The following PPTC7 variants were observed in gnomAD, a reference collection of about 807,000 sequenced individuals.
The protein encoded by PPTC7 is protein phosphatase PTC7 homolog.
In PPTC7, 6 loss-of-function variants were observed where a neutral mutation model predicts 30.8. The ratio of observed to expected loss-of-function variants is 0.19; its 90% CI spans 0.11 to 0.38. PPTC7 has a LOEUF of 0.38. PPTC7 is among the 10% of genes least tolerant of loss of function. The pLI, the probability that PPTC7 is intolerant of heterozygous loss-of-function variation, is 1.00. For missense variants in PPTC7, 218 were observed against 404.8 expected, an observed-to-expected ratio of 0.54 and a Z score of 3.96; for synonymous variants, 163 against 168.1, an observed-to-expected ratio of 0.97 and a Z score of 0.23.
intron 4 of PPTC7, among the ~76,000 whole-genome samples, chr12:110,538,581 A>AT (rs1368128248): frequency 6.6e-6 from 1 of 152,234 alleles, no homozygotes; most frequent in Non-Finnish European, 1.5e-5. Flanking sequence ...CCTTTGAAGG[A>AT]TACCTCAAAA....
rs369743422 is a variant in PPTC7 at position 110,537,012 on chromosome 12, G to T, written c.*25C>A. On this transcript the variant is annotated 3_prime_UTR_variant, in exon 6 of 6. Coordinates refer to ENST00000354300, the MANE Select transcript of PPTC7 (RefSeq NM_139283.2). ...GCAGGGGAAATTTGGGATGATGAAA[G>T]GAAAGGCAGGACTTGACACCTCAGC... is the stretch of plus-strand genomic sequence containing the variant. The T allele has an allele frequency of 6.3e-7, 1 of 1,589,258 alleles. No homozygotes were observed. The highest frequency in any genetic ancestry group is 8.6e-7 in the Non-Finnish European group (1 of 1,162,982).
Position 110,539,831 on chromosome 12 carries a change from T to C in PPTC7, c.717A>G (p.Lys239=). ...CCTTTGAGTTAATTACCTTTAACTT[T>C]TTTAGCTCCTGAAGAATCATATAAT... ...MPDYMILQEL[K]KLKNSNYESI... is the part of the protein sequence containing the mutation. The change falls in exon 4 of 6, where the codon AAA becomes AAG. Residue 239 remains lysine, a synonymous_variant. Transcript: ENST00000354300. 1.2e-6 allele frequency: 2 copies of C among 1,613,950 alleles called. No homozygotes were observed. The highest frequency in any genetic ancestry group is 1.7e-6 in the Non-Finnish European group (2 of 1,179,892).
At position 110,535,620 on chromosome 12, in the gene PPTC7, T is replaced by C. The variant is rs957130289; in HGVS notation, c.*1417A>G. On this transcript the variant is annotated 3_prime_UTR_variant, in exon 6 of 6. Coordinates refer to ENST00000354300, the MANE Select transcript of PPTC7 (RefSeq NM_139283.2). ...TCAAGTAGATTCTCATCAGGTTTAA[T>C]TGCATTCTCATCTATACACCAATGT... The C allele has an allele frequency of 2.6e-5, 4 of 152,590 alleles. No individual in the cohort carries two copies. Among genetic ancestry groups the C allele is most frequent in the Non-Finnish European group, 4.4e-5 (3 of 68,036 alleles). 9.5% of individuals were successfully genotyped at this position (152,590 alleles called of 1,614,324 possible).
intron 1 of PPTC7, 51 bp from the exon 2 acceptor site, chr12:110,552,019 AGGAATTCTTACCTCTGTTTTCTCC>A (rs1565920096): frequency 6.8e-7 from 1 of 1,476,708 alleles, no homozygotes; most frequent in Admixed American, 1.8e-5. Flanking sequence ...CCAACTTCTC[AGGAATTCTTACCTCTGTTTTCTCC>A]TAACAGTTAA....
At chr12:110,540,772 T>C (rs572243482) in intron 3 of PPTC7, among the ~76,000 whole-genome samples, 102 of 149,974 alleles carry the variant, frequency 6.8e-4, no homozygotes, top group Non-Finnish European at 1.3e-3. Flanking sequence ...GAGAACAACA[T>C]GCCAATCTTT....
rs1268867964 is a variant in PPTC7 at position 110,534,211 on chromosome 12, AAAT to A, written c.*2823_*2825del. On this transcript the variant is annotated 3_prime_UTR_variant, in exon 6 of 6. Transcript: ENST00000354300. ...TTAGAGTGCACATTTTAAAACAACA[AAAT>A]AAAAATTTCAAGCATGTGATAAAAA... 1 of 152,138 alleles carries A rather than the reference AAAT, an allele frequency of 6.6e-6. No homozygotes were observed. Among genetic ancestry groups the A allele is most frequent in the Admixed American group, 6.5e-5 (1 of 15,274 alleles). The allele number at this position is 152,138 out of a possible 1,614,324, so 9.4% of individuals were successfully genotyped here.
chr12:110,581,858 C>T (rs1049272122), intron 1 of PPTC7, among the ~76,000 whole-genome samples: 2 of 152,196 alleles, frequency 1.3e-5, no homozygotes, highest in Non-Finnish European at 2.9e-5. Context: ...ACATTTGAAC[C>T]CAAGTTCAAT....
At position 110,583,042 on chromosome 12, in the gene PPTC7, G is replaced by C. The variant is rs779351510; in HGVS notation, c.-11C>G. On this transcript the variant is annotated 5_prime_UTR_variant, in exon 1 of 6. Coordinates refer to ENST00000354300, the MANE Select transcript of PPTC7 (RefSeq NM_139283.2). ...GAGGACCGAGAACATCGCCGCCGCC[G>C]CCCCCCCGAGGAGGCGGGGGGCCGG... The C allele has an allele frequency of 7.2e-7, 1 of 1,387,086 alleles. No individual in the cohort carries two copies. The highest frequency in any genetic ancestry group is 1.6e-5 in the South Asian group (1 of 60,752). 85.9% of individuals were successfully genotyped at this position (1,387,086 alleles called of 1,614,324 possible).
intron 1 of PPTC7, among the ~76,000 whole-genome samples, chr12:110,559,443 G>A (rs534724300): frequency 7.0e-4 from 105 of 149,730 alleles, no homozygotes; most frequent in African/African-American, 2.5e-3. Flanking sequence ...ATGGGGTCTC[G>A]GGCCCAGCGT....
intron 3 of PPTC7, 146 bp downstream of exon 3, chr12:110,545,734 G>C: frequency 1.4e-6 from 1 of 693,078 alleles, no homozygotes; most frequent in Non-Finnish European, 2.4e-6. Context: ...ATCTTTCAAA[G>C]TTAAACTAAA....
chr12:110,567,583 G>A (rs1410958038), intron 1 of PPTC7, among the ~76,000 whole-genome samples: 2 of 152,094 alleles, frequency 1.3e-5, no homozygotes, highest in African/African-American at 4.8e-5. Context: ...TTATCACCAA[G>A]CCTACCATGA....
chr12:110,582,710 G>T, intron 1 of PPTC7, 99 bp downstream of exon 1: 2 of 1,057,418 alleles, frequency 1.9e-6, no homozygotes, highest in Non-Finnish European at 2.7e-6. Context: ...GAGCGCTCTG[G>T]CTCCTTTCGC....
At chr12:110,540,733 T>C (rs1271860804) in intron 3 of PPTC7, among the ~76,000 whole-genome samples, 1 of 151,700 alleles carries the variant, frequency 6.6e-6, no homozygotes, top group Non-Finnish European at 1.5e-5. Context: ...TGGAGTGCCA[T>C]AGTGAGGGTG....
At chr12:110,570,898 C>T (rs1336297976) in intron 1 of PPTC7, among the ~76,000 whole-genome samples, 6 of 152,082 alleles carry the variant, frequency 3.9e-5, no homozygotes, top group African/African-American at 1.2e-4. Flanking sequence ...CCCCGGGTCC[C>T]CTTCTTTCTT....
At chr12:110,544,620 G>A (rs1206867626) in intron 3 of PPTC7, among the ~76,000 whole-genome samples, 3 of 152,232 alleles carry the variant, frequency 2.0e-5, no homozygotes, top group Non-Finnish European at 2.9e-5. Flanking sequence ...TGGATCACGA[G>A]GTCAGGAGTT....
At chr12:110,582,103 T>TG (rs2064642310) in intron 1 of PPTC7, among the ~76,000 whole-genome samples, 1 of 152,194 alleles carries the variant, frequency 6.6e-6, no homozygotes, top group African/African-American at 2.4e-5. Flanking sequence ...GAAAAGGCTG[T>TG]GACCAATCCT....
intron 3 of PPTC7, among the ~76,000 whole-genome samples, chr12:110,540,616 T>C (rs2064251758): frequency 1.3e-5 from 2 of 151,952 alleles, no homozygotes; most frequent in South Asian, 4.2e-4. Context: ...CCTCCCAAAG[T>C]GCTGGGATTA....
chr12:110,561,240 A>T (rs1376072332), intron 1 of PPTC7, among the ~76,000 whole-genome samples: 1 of 152,242 alleles, frequency 6.6e-6, no homozygotes, highest in East Asian at 1.9e-4. Flanking sequence ...ACTAGAAAAA[A>T]AATGAGATCA....
intron 1 of PPTC7, among the ~76,000 whole-genome samples, chr12:110,553,407 G>C (rs1311058259): frequency 6.6e-6 from 1 of 151,876 alleles, no homozygotes; most frequent in Non-Finnish European, 1.5e-5. Flanking sequence ...GCCTCCCAAA[G>C]TTCTGGGATT....
Sources: allele counts gnomAD v4.1 joint callset (sites outside exome capture counted in the v4.1 genomes callset), GRCh38; gene constraint gnomAD v4.1.1; transcripts MANE v1.5; gene names NCBI Gene and HGNC (gene_info 2026-07-23, HGNC 2026-07-21).